Variants in ACSM3 observed in about 807,000 individuals in gnomAD.
The protein encoded by ACSM3 is acyl-coenzyme A synthetase ACSM3, mitochondrial.
ACSM3 carries 61 observed loss-of-function variants against 74.1 expected under a neutral mutation model. That is an observed-to-expected ratio of 0.82 (90% confidence interval 0.67 to 1.02). ACSM3 has a LOEUF of 1.02. ACSM3 is among the 50% of genes least tolerant of loss of function. ACSM3 has a pLI of 0.00. For missense variants in ACSM3, 660 were observed against 697.0 expected (o/e 0.95, Z 0.60); for synonymous variants, 213 against 241.5 (o/e 0.88, Z 1.09).
chr16:20,741,481 G>GGGGGGGGGGCGC, intron 1 of ACSM3: 1 of 1,308,408 alleles, frequency 7.6e-7, no homozygotes, highest in Non-Finnish European at 9.9e-7. Flanking sequence ...CTGGCAGCCG[G>GGGGGGGGGGCGC]CCCGCCCGCC....
chr16:20,709,186 A>G (rs2079735969), intron 1 of ACSM3, among the ~76,000 whole-genome samples: 1 of 152,244 alleles, frequency 6.6e-6, no homozygotes, highest in Admixed American at 6.5e-5. Context: ...CAGGAGGCGG[A>G]GCTTACAGTG....
intron 1 of ACSM3, among the ~76,000 whole-genome samples, chr16:20,709,943 A>C (rs2079739116): frequency 6.6e-6 from 1 of 152,204 alleles, no homozygotes; most frequent in Non-Finnish European, 1.5e-5. Context: ...GATTAATTTT[A>C]AGTGAGATGT....
chr16:20,765,109 C>G (rs899699401), intron 1 of ACSM3, among the ~76,000 whole-genome samples: 8 of 152,216 alleles, frequency 5.3e-5, no homozygotes, highest in Non-Finnish European at 8.8e-5. Flanking sequence ...GCTTGCATTT[C>G]AGATGAGACC....
chr16:20,710,285 C>T (rs904282408), intron 1 of ACSM3, among the ~76,000 whole-genome samples: 1 of 152,164 alleles, frequency 6.6e-6, no homozygotes, highest in African/African-American at 2.4e-5. Context: ...GGCACAACCA[C>T]ATGGACCTTC....
intron 12 of ACSM3, among the ~76,000 whole-genome samples, chr16:20,795,338 G>C (rs2080700262): frequency 6.6e-6 from 1 of 152,094 alleles, no homozygotes; most frequent in Admixed American, 6.6e-5. Flanking sequence ...TTTGGGTAAA[G>C]ACAAAAATGG....
At chr16:20,729,624 G>T (rs2079819374) in intron 1 of ACSM3, 1 of 256,174 alleles carries the variant, frequency 3.9e-6, no homozygotes. Flanking sequence ...CATGGTAAAG[G>T]CTGAACCAAA....
At chr16:20,779,446 AAAAGAAAAG>A (rs2080305363) in intron 4 of ACSM3, among the ~76,000 whole-genome samples, 1 of 151,496 alleles carries the variant, frequency 6.6e-6, no homozygotes, top group African/African-American at 2.4e-5. Context: ...AAAAGAAAAG[AAAAGAAAAG>A]AAAGAAAAGA....
chr16:20,789,911 C>T (rs929715778), intron 9 of ACSM3, among the ~76,000 whole-genome samples: 4 of 151,450 alleles, frequency 2.6e-5, no homozygotes, highest in Admixed American at 6.6e-5. Flanking sequence ...TGACCTCAGG[C>T]GATCCACCCG....
chr16:20,710,061 C>T (rs1321940839), intron 1 of ACSM3, among the ~76,000 whole-genome samples: 2 of 152,228 alleles, frequency 1.3e-5, no homozygotes, highest in East Asian at 1.9e-4. Context: ...ACTACCTTCT[C>T]TCTTTCATCT....
intron 4 of ACSM3, 160 bp from the exon 5 acceptor site, chr16:20,780,554 T>C (rs995529546): frequency 8.8e-6 from 13 of 1,478,246 alleles, no homozygotes; most frequent in Non-Finnish European, 1.1e-5. Flanking sequence ...CCTAAAAGGA[T>C]AGAGAAAGTG....
At chr16:20,682,883 G>A (rs1311231573) in intron 1 of ACSM3, among the ~76,000 whole-genome samples, 3 of 152,016 alleles carry the variant, frequency 2.0e-5, no homozygotes, top group Non-Finnish European at 2.9e-5. Flanking sequence ...TTCCTTGGAT[G>A]TCATCTTGAA....
chr16:20,744,187 G>A (rs1227211530), intron 1 of ACSM3, among the ~76,000 whole-genome samples: 2 of 152,154 alleles, frequency 1.3e-5, no homozygotes, highest in Admixed American at 1.3e-4. Context: ...TTTTATGGGT[G>A]GCCCAAGAGG....
At chr16:20,773,578 C>T (rs1318901618) in intron 2 of ACSM3, among the ~76,000 whole-genome samples, 2 of 152,078 alleles carry the variant, frequency 1.3e-5, no homozygotes, top group Non-Finnish European at 2.9e-5. Context: ...ATTTTCAAGA[C>T]ATTTTTTGCT....
chr16:20,735,117 A>C (rs1005556161), intron 1 of ACSM3: 20 of 152,190 alleles, frequency 1.3e-4, no homozygotes, highest in African/African-American at 4.1e-4. Context: ...CGCTTTAAGA[A>C]AAATTTTTTT....
At position 20,678,832 on chromosome 16, in the gene ACSM3, G is replaced by A. The variant is rs141438565; in HGVS notation, c.-190+4010G>A. Among the ~76,000 whole-genome samples the A allele has an allele frequency of 1.6e-4, 25 of 152,320 alleles. No individual in the cohort carries two copies. The East Asian group carries it at 4.8e-3, about 29-fold the overall frequency. ...AAGAAACTCATCAAAGGTAGGATCA[G>A]GTCTTGCCCATGGTCCTCCTCCAAG... is the stretch of plus-strand genomic sequence containing the variant. On this transcript the variant is annotated intron_variant, in intron 1 of 3. Coordinates refer to the ACSM3 transcript ENST00000561584.
chr16:20,751,301 C>T (rs1053185382), intron 2 of ACSM3, among the ~76,000 whole-genome samples: 2 of 152,202 alleles, frequency 1.3e-5, no homozygotes, highest in African/African-American at 4.8e-5. Context: ...CTGTATGTAA[C>T]TTACAAAATA....
intron 1 of ACSM3, among the ~76,000 whole-genome samples, chr16:20,699,419 GACA>G (rs2079706826): frequency 6.6e-6 from 1 of 152,140 alleles, no homozygotes; most frequent in Non-Finnish European, 1.5e-5. Context: ...GGACATTCCT[GACA>G]GGACCGTGTG....
chr16:20,741,692 G>A, intron 1 of ACSM3: 3 of 1,580,018 alleles, frequency 1.9e-6, no homozygotes, highest in Non-Finnish European at 2.6e-6. Flanking sequence ...CCTTGCCTTT[G>A]CGCTTCCCGC....
intron 1 of ACSM3, among the ~76,000 whole-genome samples, chr16:20,684,528 T>A (rs1212915338): frequency 6.6e-6 from 1 of 152,224 alleles, no homozygotes; most frequent in African/African-American, 2.4e-5. Context: ...ACGTGTCTAA[T>A]CTGAATATAA....
Sources: gnomAD v4.1 joint callset for allele counts (sites outside exome capture counted in the v4.1 genomes callset) on GRCh38, gnomAD v4.1.1 for gene constraint, MANE v1.5 for transcripts, NCBI Gene and HGNC (gene_info 2026-07-23, HGNC 2026-07-21) for gene names.